Variants in ADGRV1 observed in about 807,000 individuals in gnomAD.
ADGRV1 encodes G-protein coupled receptor 98.
In ADGRV1, 359 loss-of-function variants were observed where a neutral mutation model predicts 596.2. The observed-to-expected ratio is 0.60, with a 90% CI of 0.55 to 0.66. The LOEUF is 0.66. Among genes scored for constraint, ADGRV1 ranks in the 30% least tolerant of loss-of-function variants. The probability of loss-of-function intolerance (pLI) is 0.00; values close to 1 mark genes in which losing one functional copy is unlikely to be tolerated. For synonymous variants in ADGRV1, 2,681 were observed against 2,679.2 expected (o/e 1.00, Z -0.02); for missense variants, 7,274 against 7,575.6 (o/e 0.96, Z 1.48).
chr5:90,744,001 T>C (rs935468460), intron 50 of ADGRV1, among the ~76,000 whole-genome samples: 4 of 138,818 alleles, frequency 2.9e-5, no homozygotes, highest in African/African-American at 1.1e-4. Flanking sequence ...TATATATATA[T>C]ACATATGGAC....
At chr5:90,842,219 T>C (rs896824103) in intron 78 of ADGRV1, among the ~76,000 whole-genome samples, 7 of 152,300 alleles carry the variant, frequency 4.6e-5, no homozygotes, top group African/African-American at 1.4e-4. Context: ...CTTATTTCAG[T>C]AGAGTTGTCA....
At chr5:90,814,953 T>C (rs142169274) in intron 74 of ADGRV1, among the ~76,000 whole-genome samples, 53 of 148,838 alleles carry the variant, frequency 3.6e-4, no homozygotes, top group African/African-American at 1.3e-3. Context: ...TGATGATTTC[T>C]GTATAGTATG....
At chr5:90,930,263 A>T (rs1037271288) in intron 83 of ADGRV1, among the ~76,000 whole-genome samples, 11 of 152,190 alleles carry the variant, frequency 7.2e-5, no homozygotes, top group Non-Finnish European at 1.5e-4. Flanking sequence ...ATTTACTTTC[A>T]GTCCTGGTCT....
chr5:90,909,417 G>A (rs1211039167), intron 83 of ADGRV1, among the ~76,000 whole-genome samples: 2 of 152,076 alleles, frequency 1.3e-5, no homozygotes, highest in East Asian at 3.9e-4. Flanking sequence ...ACGTTTGCCT[G>A]GCTGAAGTCT....
At chr5:91,139,230 A>G (rs546070040) in intron 87 of ADGRV1, among the ~76,000 whole-genome samples, 4 of 152,356 alleles carry the variant, frequency 2.6e-5, no homozygotes, top group Non-Finnish European at 4.4e-5. Flanking sequence ...AAACAAGACC[A>G]TTTAGGTCAC....
chr5:90,593,563 G>T (rs908715722), intron 1 of ADGRV1, among the ~76,000 whole-genome samples: 1 of 151,932 alleles, frequency 6.6e-6, no homozygotes, highest in African/African-American at 2.4e-5. Flanking sequence ...ACAAACCTGC[G>T]CATTGTGCAC....
chr5:90,565,653 A>G (rs1755545660), intron 1 of ADGRV1, among the ~76,000 whole-genome samples: 1 of 152,202 alleles, frequency 6.6e-6, no homozygotes, highest in African/African-American at 2.4e-5. Flanking sequence ...GCATTTGTAT[A>G]CAAGTTTTTT....
At chr5:91,104,832 C>T (rs1791702741) in intron 87 of ADGRV1, among the ~76,000 whole-genome samples, 1 of 150,436 alleles carries the variant, frequency 6.6e-6, no homozygotes, top group African/African-American at 2.4e-5. Context: ...ACATTTGCAC[C>T]AACCTTTTCT....
intron 79 of ADGRV1, among the ~76,000 whole-genome samples, chr5:90,852,215 A>AT (rs1034390947): frequency 1.3e-5 from 2 of 152,040 alleles, no homozygotes; most frequent in East Asian, 1.9e-4. Context: ...TACAGAGGAG[A>AT]TTTTTTGTAG....
chr5:90,573,172 G>A (rs150702494), intron 1 of ADGRV1, among the ~76,000 whole-genome samples: 1 of 152,228 alleles, frequency 6.6e-6, no homozygotes, highest in Non-Finnish European at 1.5e-5. Context: ...AAGGAAGTAT[G>A]GTATTGGTTG....
At chr5:91,068,977 A>T (rs1788136329) in intron 85 of ADGRV1, among the ~76,000 whole-genome samples, 1 of 152,172 alleles carries the variant, frequency 6.6e-6, no homozygotes, top group Admixed American at 6.5e-5. Flanking sequence ...GAAAACCGAA[A>T]AAAAAGGCTA....
intron 57 of ADGRV1, among the ~76,000 whole-genome samples, chr5:90,758,972 A>G (rs1756143187): frequency 6.6e-6 from 1 of 152,204 alleles, no homozygotes; most frequent in Non-Finnish European, 1.5e-5. Flanking sequence ...TGTAAGTTTC[A>G]TATCATGTAA....
chr5:90,976,967 A>G (rs1364393780), intron 84 of ADGRV1, among the ~76,000 whole-genome samples: 1 of 152,184 alleles, frequency 6.6e-6, no homozygotes, highest in Non-Finnish European at 1.5e-5. Context: ...GAGCATTCAC[A>G]TCTTGTGCGT....
chr5:90,580,371 A>G (rs1449597651), intron 1 of ADGRV1, among the ~76,000 whole-genome samples: 1 of 152,130 alleles, frequency 6.6e-6, no homozygotes, highest in African/African-American at 2.4e-5. Context: ...GTTCTCCTGG[A>G]TAATATCCTG....
intron 45 of ADGRV1, 79 bp from the exon 46 acceptor site, chr5:90,724,753 C>T (rs1580883738): frequency 2.3e-6 from 3 of 1,294,110 alleles, no homozygotes; most frequent in Admixed American, 3.6e-5. Flanking sequence ...GCACTTGTCT[C>T]ATTGTTTAAA....
chr5:90,592,230 A>G (rs1040876616), intron 1 of ADGRV1, among the ~76,000 whole-genome samples: 1 of 152,252 alleles, frequency 6.6e-6, no homozygotes, highest in African/African-American at 2.4e-5. Flanking sequence ...CCCATCAATC[A>G]ATGAGTGGAT....
chr5:90,596,251 T>A (rs1375415776), intron 1 of ADGRV1, among the ~76,000 whole-genome samples: 1 of 147,098 alleles, frequency 6.8e-6, no homozygotes, highest in African/African-American at 2.6e-5. Flanking sequence ...GAAGAGGCGC[T>A]CCTCACTTCC....
At chr5:90,975,270 A>T (rs2151009027) in intron 84 of ADGRV1, among the ~76,000 whole-genome samples, 1 of 152,242 alleles carries the variant, frequency 6.6e-6, no homozygotes, top group African/African-American at 2.4e-5. Context: ...AAATTAGTTC[A>T]ACCATTGTGG....
At chr5:90,893,554 G>A (rs986682599) in intron 83 of ADGRV1, among the ~76,000 whole-genome samples, 7 of 152,132 alleles carry the variant, frequency 4.6e-5, no homozygotes, top group African/African-American at 1.2e-4. Flanking sequence ...TAAGACTCTT[G>A]TGTAATCAGC....
Sources: gnomAD v4.1 joint callset for allele counts (sites outside exome capture counted in the v4.1 genomes callset) on GRCh38, gnomAD v4.1.1 for gene constraint, MANE v1.5 for transcripts, NCBI Gene and HGNC (gene_info 2026-07-23, HGNC 2026-07-21) for gene names.